The following CAST variants were observed in gnomAD, a reference collection of about 807,000 sequenced individuals.
CAST encodes the protein calpastatin.
CAST carries 76 observed loss-of-function variants against 119.6 expected under a neutral mutation model. That is an observed-to-expected ratio of 0.64 (90% confidence interval 0.53 to 0.77). The LOEUF (loss-of-function observed/expected upper bound fraction) is 0.77, where lower values mean the gene tolerates loss of function less well. Ranked by LOEUF, CAST falls within the 30% of genes least tolerant of loss-of-function variation. The pLI, the probability that CAST is intolerant of heterozygous loss-of-function variation, is 0.00. For missense variants in CAST, 953 were observed against 946.5 expected, an observed-to-expected ratio of 1.01 and a Z score of -0.09; for synonymous variants, 319 against 331.6, an observed-to-expected ratio of 0.96 and a Z score of 0.41.
At chr5:96,315,081 CAT>C in the CAST span, among the ~76,000 whole-genome samples, 1 of 152,120 alleles carries the variant, frequency 6.6e-6, no homozygotes, top group Non-Finnish European at 1.5e-5. Context: ...TTATAAACCA[CAT>C]GTTATGGGAA....
At chr5:96,505,478 CA>C in the CAST span, among the ~76,000 whole-genome samples, 1 of 151,260 alleles carries the variant, frequency 6.6e-6, no homozygotes, top group Non-Finnish European at 1.5e-5. Flanking sequence ...GACTCCGTCT[CA>C]AAAAAAATAA....
At chr5:96,255,822 A>T in the CAST span, among the ~76,000 whole-genome samples, 540 of 152,246 alleles carry the variant, frequency 3.5e-3, 6 homozygotes, top group Non-Finnish European at 3.0e-3. Context: ...TTAAGGCTGT[A>T]CTTTAGTTAG....
At chr5:96,412,764 T>TTG in the CAST span, among the ~76,000 whole-genome samples, 2 of 145,590 alleles carry the variant, frequency 1.4e-5, no homozygotes, top group African/African-American at 5.4e-5. Flanking sequence ...TTTTTTTTTT[T>TTG]TTTTTTTTTT....
chr5:96,436,929 A>G, the CAST span, among the ~76,000 whole-genome samples: 1 of 152,222 alleles, frequency 6.6e-6, no homozygotes, highest in Non-Finnish European at 1.5e-5. Context: ...GAACTCCTCC[A>G]GCAGATCCAC....
chr5:96,002,171 A>T, the CAST span, among the ~76,000 whole-genome samples: 1 of 152,246 alleles, frequency 6.6e-6, no homozygotes, highest in Non-Finnish European at 1.5e-5. Context: ...AGCTTTAATT[A>T]TACCATGCGT....
chr5:96,352,599 C>A, the CAST span, among the ~76,000 whole-genome samples: 1 of 152,084 alleles, frequency 6.6e-6, no homozygotes, highest in African/African-American at 2.4e-5. Context: ...TTCCTTTTAA[C>A]ACAATTATCA....
the CAST span, chr5:96,410,838 G>C: frequency 6.2e-7 from 1 of 1,614,160 alleles, no homozygotes; most frequent in Admixed American, 1.7e-5. Context: ...GCACTTCTCA[G>C]CGTACCAGGG....
At chr5:95,970,905 A>C in the CAST span, among the ~76,000 whole-genome samples, 4 of 152,338 alleles carry the variant, frequency 2.6e-5, no homozygotes, top group Admixed American at 6.5e-5. Flanking sequence ...AACCAGCACA[A>C]AAAATATAAG....
intron 1 of CAST, among the ~76,000 whole-genome samples, chr5:96,628,566 G>C (rs1204409188): frequency 6.6e-6 from 1 of 152,192 alleles, no homozygotes; most frequent in Non-Finnish European, 1.5e-5. Flanking sequence ...TCTGGGCTTA[G>C]AGCCAGCCAG....
intron 1 of CAST, among the ~76,000 whole-genome samples, chr5:96,647,992 C>G (rs550959495): frequency 1.3e-5 from 2 of 152,238 alleles, no homozygotes; most frequent in African/African-American, 2.4e-5. Context: ...TAGGAAATGC[C>G]CCTTGTGAAT....
chr5:96,352,838 A>G, the CAST span, among the ~76,000 whole-genome samples: 45,524 of 151,862 alleles, frequency 0.3, 6,978 homozygotes, highest in African/African-American at 0.35. Flanking sequence ...ATGAGACCTG[A>G]TGATTTAAAA....
chr5:96,750,700 CAT>C lies in CAST; in HGVS notation c.1524+19_1524+20del. The C allele has an allele frequency of 6.5e-7, 1 of 1,544,016 alleles. No individual in the cohort carries two copies. Among genetic ancestry groups the C allele is most frequent in the Non-Finnish European group, 9.0e-7 (1 of 1,116,566 alleles). On this transcript the variant is annotated intron_variant, in intron 20 of 31. Coordinates refer to ENST00000675179, the MANE Select transcript of CAST (RefSeq NM_001750.7). Reference sequence around the variant, plus strand: ...CTACCTTGGTGAGTGACTCCCTGGGCATTTGAGCAGTGGCTTGAGAAAGTTTT... The same window carrying C: ...CTACCTTGGTGAGTGACTCCCTGGGCTTGAGCAGTGGCTTGAGAAAGTTTT...
At chr5:96,397,117 T>A in the CAST span, among the ~76,000 whole-genome samples, 1 of 152,186 alleles carries the variant, frequency 6.6e-6, no homozygotes, top group Admixed American at 6.5e-5. Flanking sequence ...TATAAGTGTT[T>A]TTCCCCCTCT....
the CAST span, among the ~76,000 whole-genome samples, chr5:96,493,542 G>A: frequency 6.6e-6 from 1 of 152,204 alleles, no homozygotes; most frequent in Admixed American, 6.5e-5. Context: ...TTCTAAACCA[G>A]TATGTATCCC....
At chr5:95,993,034 G>A in the CAST span, among the ~76,000 whole-genome samples, 1 of 152,072 alleles carries the variant, frequency 6.6e-6, no homozygotes, top group East Asian at 1.9e-4. Flanking sequence ...TTATTATACA[G>A]CTATAATAAT....
chr5:96,529,993 C>A (rs1247764150), intron 1 of CAST: 1 of 257,336 alleles, frequency 3.9e-6, no homozygotes, highest in Non-Finnish European at 7.9e-6. Context: ...TGAGTTCTTC[C>A]TATGTGTCCA....
chr5:96,145,996 G>T, the CAST span, among the ~76,000 whole-genome samples: 1 of 152,180 alleles, frequency 6.6e-6, no homozygotes, highest in Non-Finnish European at 1.5e-5. Context: ...TAGCATGGAA[G>T]CTGCCAGTCC....
At chr5:96,340,171 A>G in the CAST span, among the ~76,000 whole-genome samples, 4 of 152,318 alleles carry the variant, frequency 2.6e-5, no homozygotes, top group African/African-American at 9.6e-5. Context: ...TCTAATGCCA[A>G]CTATTAAACA....
intron 1 of CAST, among the ~76,000 whole-genome samples, chr5:96,595,188 T>TA (rs1360704576): frequency 1.3e-5 from 2 of 152,164 alleles, no homozygotes; most frequent in African/African-American, 4.8e-5. Flanking sequence ...CATGCAGGCA[T>TA]AAAATGGGCT....
Sources: allele counts gnomAD v4.1 joint callset (sites outside exome capture counted in the v4.1 genomes callset), GRCh38; gene constraint gnomAD v4.1.1; transcripts MANE v1.5; gene names NCBI Gene and HGNC (gene_info 2026-07-23, HGNC 2026-07-21).